The following ZNF654 variants were observed in gnomAD, a reference collection of about 807,000 sequenced individuals.
ZNF654 encodes zinc finger protein 654.
Under a neutral mutation model 95.3 loss-of-function variants are expected in ZNF654, and 19 were observed. That is an observed-to-expected ratio of 0.20 (90% CI 0.14 to 0.29). The LOEUF is 0.29. Ranked by LOEUF, ZNF654 falls within the 10% of genes least tolerant of loss-of-function variation. ZNF654 has a pLI of 1.00. For synonymous variants in ZNF654, 413 were observed against 457.9 expected (o/e 0.90, Z 1.25); for missense variants, 1,046 against 1,341.0 (o/e 0.78, Z 3.44).
chr3:88,102,533 C>G (rs947107552), intron 2 of ZNF654, among the ~76,000 whole-genome samples: 5 of 152,162 alleles, frequency 3.3e-5, no homozygotes, highest in African/African-American at 1.2e-4. Flanking sequence ...CATTTCTTTA[C>G]TTAACATGGT....
intron 2 of ZNF654, among the ~76,000 whole-genome samples, chr3:88,104,876 C>T (rs546271519): frequency 4.6e-5 from 7 of 152,308 alleles, no homozygotes; most frequent in South Asian, 2.1e-4. Context: ...CAGTGGCTTA[C>T]GCCTGTAATC....
At chr3:88,081,335 C>G (rs1708064791) in intron 1 of ZNF654, among the ~76,000 whole-genome samples, 1 of 151,756 alleles carries the variant, frequency 6.6e-6, no homozygotes, top group South Asian at 2.1e-4. Flanking sequence ...TATATCTGTA[C>G]TGTCTTTATA....
At chr3:88,110,048 T>G (rs1207323211) in intron 2 of ZNF654, among the ~76,000 whole-genome samples, 2 of 152,230 alleles carry the variant, frequency 1.3e-5, no homozygotes, top group African/African-American at 2.4e-5. Flanking sequence ...CCTTATAGAT[T>G]GTTGAAGAAA....
intron 3 of ZNF654, among the ~76,000 whole-genome samples, chr3:88,118,465 A>G (rs1705551909): frequency 6.6e-6 from 1 of 151,914 alleles, no homozygotes; most frequent in Non-Finnish European, 1.5e-5. Flanking sequence ...ATCTCCCCTA[A>G]GAAATGAGTG....
At chr3:88,095,714 A>G in intron 2 of ZNF654, 1 of 395,518 alleles carries the variant, frequency 2.5e-6, no homozygotes, top group Non-Finnish European at 4.8e-6. Flanking sequence ...TTTCTTTGCT[A>G]CTTTTTGACT....
chr3:88,063,342 T>C (rs1706995910), intron 1 of ZNF654, among the ~76,000 whole-genome samples: 1 of 152,312 alleles, frequency 6.6e-6, no homozygotes, highest in South Asian at 2.1e-4. Context: ...TTTTTAATGA[T>C]CCTCAAATAG....
intron 2 of ZNF654, among the ~76,000 whole-genome samples, chr3:88,108,324 A>G (rs1704871202): frequency 1.3e-5 from 2 of 152,040 alleles, no homozygotes; most frequent in Admixed American, 6.6e-5. Context: ...AAGGCAAGCT[A>G]TTTTATCTAG....
chr3:88,079,910 A>C (rs1312781759), intron 1 of ZNF654, among the ~76,000 whole-genome samples: 2 of 152,080 alleles, frequency 1.3e-5, no homozygotes, highest in Non-Finnish European at 2.9e-5. Context: ...TGCAGATTTC[A>C]CACAAGTTTT....
chr3:88,088,025 T>C (rs1443449185), intron 2 of ZNF654, among the ~76,000 whole-genome samples: 2 of 152,152 alleles, frequency 1.3e-5, no homozygotes, highest in Non-Finnish European at 2.9e-5. Context: ...TACTACAAAA[T>C]CCAAAACCTG....
chr3:88,066,840 G>A (rs1163529385), intron 1 of ZNF654, among the ~76,000 whole-genome samples: 1 of 152,128 alleles, frequency 6.6e-6, no homozygotes, highest in African/African-American at 2.4e-5. Context: ...TAAAATATGT[G>A]TCTGGTAAGA....
chr3:88,139,306 G>T lies in ZNF654; in HGVS notation c.1637G>T (p.Arg546Leu). The change falls in exon 8 of 9, where the codon CGT (arginine) becomes CTT (leucine). Residue 546 changes from arginine (R) to leucine (L), a missense_variant. By Grantham distance (102) the Arg-to-Leu change is moderately radical. Coordinates refer to ENST00000636215, the MANE Select transcript of ZNF654 (RefSeq NM_001350134.2). Reference sequence around the variant, plus strand: ...GTAGATCACAATGTCCCAAGGCATCGTTGTATGTTATGTAACAAGGAATTT... The same window carrying T: ...GTAGATCACAATGTCCCAAGGCATCTTTGTATGTTATGTAACAAGGAATTT... ...SKVDHNVPRH[R>L]CMLCNKEFLG... 6.3e-7 allele frequency: 1 copy of T among 1,591,918 alleles called. No homozygotes were observed.
In ZNF654 at chr3:88,140,740, C is replaced by A. The variant is rs1394960994; in HGVS notation, c.3071C>A (p.Ser1024Tyr). The A allele has an allele frequency of 6.2e-7, 1 of 1,613,608 alleles. No individual in the cohort carries two copies. The highest frequency in any genetic ancestry group is 1.7e-5 in the Admixed American group (1 of 59,956). The change falls in exon 8 of 9, where the codon TCT becomes TAT. Residue 1024 changes from serine to tyrosine, a missense_variant. By Grantham distance (144) the Ser-to-Tyr change is moderately radical (BLOSUM62 -2). Coordinates refer to ENST00000636215, the MANE Select transcript of ZNF654 (RefSeq NM_001350134.2). ...VPQEHNTLPV[S>Y]QAPSKPNLTS... ...CAAGAACACAACACCTTGCCAGTATCTCAGGCACCTTCCAAACCAAATCTG... is the reference window on the plus strand; with the variant it reads ...CAAGAACACAACACCTTGCCAGTATATCAGGCACCTTCCAAACCAAATCTG...
At chr3:88,092,949 T>C (rs1026147868) in intron 2 of ZNF654, among the ~76,000 whole-genome samples, 41 of 152,204 alleles carry the variant, frequency 2.7e-4, no homozygotes, top group Non-Finnish European at 5.1e-4. Flanking sequence ...CTTTTATTTA[T>C]ACTTGAGTGT....
chr3:88,139,091 A>G lies in ZNF654; in HGVS notation c.1422A>G (p.Leu474=), dbSNP rs1706968065. 2.4e-6 allele frequency: 3 copies of G among 1,263,388 alleles called. No individual in the cohort carries two copies. Among genetic ancestry groups the G allele is most frequent in the Non-Finnish European group, 3.0e-6 (3 of 1,005,836 alleles). 78.3% of individuals were successfully genotyped at this position (1,263,388 alleles called of 1,614,324 possible). A position where few individuals can be genotyped will look rare whatever the true frequency, so the allele number is the denominator to read the frequency against. Residue 474 remains leucine (L), a synonymous_variant, in exon 8 of 9, where the codon CTA becomes CTG. Coordinates refer to ENST00000636215, the MANE Select transcript of ZNF654 (RefSeq NM_001350134.2). Reference sequence around the variant, plus strand: ...GTGATAAATCAGCAGTTAGATTTCTAAATGAAAGCACACTGGAAAATAATG... The same window carrying G: ...GTGATAAATCAGCAGTTAGATTTCTGAATGAAAGCACACTGGAAAATAATG... ...LLSDKSAVRF[L]NESTLENNAG...
chr3:88,074,629 C>T (rs1328010455), intron 1 of ZNF654, among the ~76,000 whole-genome samples: 1 of 152,122 alleles, frequency 6.6e-6, no homozygotes, highest in African/African-American at 2.4e-5. Flanking sequence ...GCGTGAGCCA[C>T]TGCGCCCGGC....
At chr3:88,101,587 TC>T (rs1704430295) in intron 2 of ZNF654, among the ~76,000 whole-genome samples, 1 of 152,192 alleles carries the variant, frequency 6.6e-6, no homozygotes, top group African/African-American at 2.4e-5. Flanking sequence ...ATTTATGCAT[TC>T]AGCAATTGAT....
At chr3:88,124,682 ACTG>A (rs1475163969) in intron 3 of ZNF654, among the ~76,000 whole-genome samples, 1 of 152,100 alleles carries the variant, frequency 6.6e-6, no homozygotes, top group Non-Finnish European at 1.5e-5. Flanking sequence ...TTGCTTTATA[ACTG>A]CTACTACGTT....
chr3:88,134,431 C>T (rs1455797263), intron 6 of ZNF654, among the ~76,000 whole-genome samples: 2 of 152,022 alleles, frequency 1.3e-5, no homozygotes, highest in African/African-American at 4.8e-5. Context: ...AATATATCAG[C>T]TCTATCATAT....
At chr3:88,132,770 CTG>C (rs1327482267) in intron 6 of ZNF654, among the ~76,000 whole-genome samples, 1 of 152,164 alleles carries the variant, frequency 6.6e-6, no homozygotes, top group Non-Finnish European at 1.5e-5. Flanking sequence ...AATAAAGATG[CTG>C]AATAGGAATA....
Sources: gnomAD v4.1 joint callset for allele counts (sites outside exome capture counted in the v4.1 genomes callset) on GRCh38, gnomAD v4.1.1 for gene constraint, MANE v1.5 for transcripts, NCBI Gene and HGNC (gene_info 2026-07-23, HGNC 2026-07-21) for gene names.